The following BTG4 variants were observed in gnomAD, a reference collection of about 807,000 sequenced individuals.
The protein encoded by BTG4 is protein BTG4.
BTG4 carries 10 observed loss-of-function variants against 19.3 expected under a neutral mutation model. That is an observed-to-expected ratio of 0.52 (90% CI 0.32 to 0.88). The LOEUF (loss-of-function observed/expected upper bound fraction) is 0.88, where lower values mean the gene tolerates loss of function less well. BTG4 is among the 40% of genes least tolerant of loss of function. BTG4 has a pLI of 0.04. For missense variants in BTG4, 238 were observed against 281.9 expected (o/e 0.84, Z 1.11); for synonymous variants, 91 against 95.7 (o/e 0.95, Z 0.29).
intron 5 of BTG4, among the ~76,000 whole-genome samples, chr11:111,468,711 G>C (rs1405683537): frequency 6.6e-6 from 1 of 152,210 alleles, no homozygotes; most frequent in Non-Finnish European, 1.5e-5. Flanking sequence ...AGAAAGCCTT[G>C]AGAGCCCTCT....
chr11:111,439,625 C>G, the BTG4 span, among the ~76,000 whole-genome samples: 1 of 152,088 alleles, frequency 6.6e-6, no homozygotes, highest in Non-Finnish European at 1.5e-5. Context: ...CCAGCCCCCT[C>G]GTACTTCCCC....
chr11:111,486,597 C>T (rs1269292331), intron 5 of BTG4, among the ~76,000 whole-genome samples: 1 of 152,066 alleles, frequency 6.6e-6, no homozygotes, highest in Non-Finnish European at 1.5e-5. Context: ...AAGAAAACTA[C>T]AGGCCAGTAT....
chr11:111,453,539 G>A, the BTG4 span: 14 of 456,570 alleles, frequency 3.1e-5, no homozygotes, highest in East Asian at 6.9e-4. Context: ...AGGAGAGGCC[G>A]ATCTCACCAA....
At chr11:111,422,070 C>A in the BTG4 span, among the ~76,000 whole-genome samples, 1 of 152,130 alleles carries the variant, frequency 6.6e-6, no homozygotes, top group East Asian at 1.9e-4. Context: ...TCTCTATGCA[C>A]CAAGAGAGAA....
intron 5 of BTG4, among the ~76,000 whole-genome samples, chr11:111,483,401 A>G (rs1864860287): frequency 1.3e-5 from 2 of 152,196 alleles, no homozygotes; most frequent in Admixed American, 1.3e-4. Context: ...CCAGTGACCA[A>G]TCCCACAGTG....
chr11:111,463,376 C>G (rs1253820112), downstream of BTG4: 1 of 152,620 alleles, frequency 6.6e-6, no homozygotes, highest in Non-Finnish European at 1.5e-5. Flanking sequence ...GGAACAGTCA[C>G]CACTTCTCTC....
chr11:111,419,328 C>T, the BTG4 span, among the ~76,000 whole-genome samples: 54 of 152,320 alleles, frequency 3.5e-4, no homozygotes, highest in African/African-American at 1.3e-3. Flanking sequence ...CCTGTAACTG[C>T]CTTCCTTCTT....
intron 5 of BTG4, among the ~76,000 whole-genome samples, chr11:111,484,163 A>C (rs1864910182): frequency 6.6e-6 from 1 of 152,152 alleles, no homozygotes; most frequent in South Asian, 2.1e-4. Context: ...CTTTCATAGA[A>C]AAACAAAAGC....
the BTG4 span, among the ~76,000 whole-genome samples, chr11:111,409,603 C>A: frequency 1.3e-5 from 2 of 152,144 alleles, no homozygotes; most frequent in Admixed American, 1.3e-4. Context: ...TCTTTTACAG[C>A]CTGCAGAACC....
the BTG4 span, among the ~76,000 whole-genome samples, chr11:111,437,227 C>A: frequency 6.6e-6 from 1 of 152,048 alleles, no homozygotes; most frequent in Non-Finnish European, 1.5e-5. Context: ...CACTACACCC[C>A]CTCAGAGCCC....
chr11:111,473,732 C>A (rs1279574580), intron 5 of BTG4, among the ~76,000 whole-genome samples: 1 of 152,044 alleles, frequency 6.6e-6, no homozygotes, highest in African/African-American at 2.4e-5. Flanking sequence ...TAGTTTAAAG[C>A]ATAGTTTATC....
At chr11:111,454,814 A>G in the BTG4 span, 1 of 316,012 alleles carries the variant, frequency 3.2e-6, no homozygotes, top group Admixed American at 4.3e-5. Context: ...ACTCTTTCCA[A>G]GTGTCTGGGT....
the BTG4 span, among the ~76,000 whole-genome samples, chr11:111,415,326 T>C: frequency 2.0e-5 from 3 of 152,214 alleles, no homozygotes; most frequent in Non-Finnish European, 4.4e-5. Context: ...GACCCCCTTA[T>C]ATTGTAAACT....
chr11:111,489,652 C>T (rs771582240), intron 5 of BTG4, among the ~76,000 whole-genome samples: 26 of 151,986 alleles, frequency 1.7e-4, no homozygotes, highest in Admixed American at 5.9e-4. Context: ...CTATCATTTA[C>T]GAAGAATAAA....
chr11:111,471,515 G>T (rs1017906438), intron 5 of BTG4, among the ~76,000 whole-genome samples: 1 of 151,978 alleles, frequency 6.6e-6, no homozygotes, highest in African/African-American at 2.4e-5. Flanking sequence ...CAAGACACTG[G>T]CCTCCTCTGG....
At chr11:111,429,053 A>T in the BTG4 span, among the ~76,000 whole-genome samples, 1 of 152,242 alleles carries the variant, frequency 6.6e-6, no homozygotes, top group Non-Finnish European at 1.5e-5. Context: ...GTAAAAATCT[A>T]TATGACTTAA....
intron 1 of BTG4, among the ~76,000 whole-genome samples, chr11:111,506,059 G>A (rs1017460560): frequency 6.6e-5 from 10 of 151,904 alleles, no homozygotes; most frequent in South Asian, 2.1e-4. Context: ...TATGGAAAAC[G>A]GTATAGCGAT....
chr11:111,458,674 A>G, the BTG4 span, among the ~76,000 whole-genome samples: 10 of 152,132 alleles, frequency 6.6e-5, no homozygotes, highest in African/African-American at 2.4e-4. Flanking sequence ...TAAACGCAAG[A>G]AAGGAGTTCA....
At chr11:111,404,765 A>G in the BTG4 span, 1 of 422,686 alleles carries the variant, frequency 2.4e-6, no homozygotes, top group Non-Finnish European at 4.7e-6. Context: ...AGACATGAAA[A>G]CTTGGAGCTT....
Sources: allele counts gnomAD v4.1 joint callset (sites outside exome capture counted in the v4.1 genomes callset), GRCh38; gene constraint gnomAD v4.1.1; transcripts MANE v1.5; gene names NCBI Gene and HGNC (gene_info 2026-07-23, HGNC 2026-07-21).